The following PCDHA6 variants were observed in gnomAD, a reference collection of about 807,000 sequenced individuals.
PCDHA6 encodes the protein protocadherin alpha-6.
PCDHA6 carries 55 observed loss-of-function variants against 60.3 expected under a neutral mutation model. The ratio of observed to expected loss-of-function variants is 0.91; its 90% confidence interval spans 0.73 to 1.14. The LOEUF is 1.14. Ranked by LOEUF, PCDHA6 falls within the 50% of genes most tolerant of loss-of-function variation. PCDHA6 has a pLI of 0.00. For synonymous variants in PCDHA6, 652 were observed against 557.9 expected (o/e 1.17, Z -2.38); for missense variants, 1,327 against 1,256.5 (o/e 1.06, Z -0.85).
intron 1 of PCDHA6, chr5:140,865,236 G>A (rs192476838): frequency 8.5e-5 from 13 of 152,224 alleles, no homozygotes; most frequent in Admixed American, 3.3e-4. Flanking sequence ...CAGAGAACAC[G>A]TATTTATAGC....
chr5:140,964,631 T>C (rs1415762552), intron 1 of PCDHA6, among the ~76,000 whole-genome samples: 1 of 152,074 alleles, frequency 6.6e-6, no homozygotes, highest in African/African-American at 2.4e-5. Flanking sequence ...ATAAGCCATT[T>C]ATTTTCAGAA....
At chr5:140,922,927 T>C (rs1257564815) in intron 1 of PCDHA6, among the ~76,000 whole-genome samples, 1 of 152,214 alleles carries the variant, frequency 6.6e-6, no homozygotes, top group Non-Finnish European at 1.5e-5. Flanking sequence ...TTCAGACTTT[T>C]ACTTCCAGCA....
At chr5:140,956,930 A>G (rs2153711573) in intron 1 of PCDHA6, among the ~76,000 whole-genome samples, 1 of 151,954 alleles carries the variant, frequency 6.6e-6, no homozygotes, top group East Asian at 1.9e-4. Flanking sequence ...TGCTGGATAT[A>G]GGATAAAATT....
At chr5:140,875,450 C>T (rs199938092) in intron 1 of PCDHA6, 2 of 1,590,620 alleles carry the variant, frequency 1.3e-6, no homozygotes, top group African/African-American at 1.3e-5. Flanking sequence ...ATTGTCCCAA[C>T]TCAGAGGCCC....
chr5:140,874,557 G>T (rs782715249), intron 1 of PCDHA6, among the ~76,000 whole-genome samples: 3 of 152,146 alleles, frequency 2.0e-5, no homozygotes, highest in African/African-American at 7.2e-5. Flanking sequence ...GAGATCTTTC[G>T]CATTTTAGTG....
chr5:140,930,358 T>A (rs1253370170), intron 1 of PCDHA6: 1 of 152,216 alleles, frequency 6.6e-6, no homozygotes, highest in African/African-American at 2.4e-5. Context: ...AATATTTCAA[T>A]TTATCTGTTA....
chr5:140,877,488 C>A lies in PCDHA6; in HGVS notation c.2394+47003C>A, dbSNP rs781785108. On this transcript the variant is annotated intron_variant, in intron 1 of 3. Coordinates refer to ENST00000529310, the MANE Select transcript of PCDHA6 (RefSeq NM_018909.4). ...CGGTGCTGGTGTCGCTGGTGGAGAACGGCCAGGCCCCAAAGACGTCGTCGC... is the reference window on the plus strand; with the variant it reads ...CGGTGCTGGTGTCGCTGGTGGAGAAAGGCCAGGCCCCAAAGACGTCGTCGC... The A allele has an allele frequency of 2.5e-6, 4 of 1,613,736 alleles. No individual in the cohort carries two copies. The African/African-American group carries it at 5.3e-5, about 22-fold the overall frequency.
chr5:140,836,986 C>A, intron 1 of PCDHA6: 1 of 355,800 alleles, frequency 2.8e-6, no homozygotes, highest in East Asian at 4.9e-5. Context: ...TGGAGGAGGA[C>A]TTTGCTAACT....
chr5:140,993,071 G>A (rs1301535845), intron 3 of PCDHA6, among the ~76,000 whole-genome samples: 9 of 152,222 alleles, frequency 5.9e-5, no homozygotes, highest in African/African-American at 2.2e-4. Flanking sequence ...TGTTCCTGCA[G>A]TCTGCAATCA....
At chr5:140,855,892 G>C in intron 1 of PCDHA6, 2 of 1,011,396 alleles carry the variant, frequency 2.0e-6, no homozygotes, top group Non-Finnish European at 2.9e-6. Context: ...TAGAACAAAG[G>C]CATCAGCCAG....
chr5:140,833,120 T>G (rs1772308754), intron 1 of PCDHA6, among the ~76,000 whole-genome samples: 3 of 152,202 alleles, frequency 2.0e-5, no homozygotes, highest in Non-Finnish European at 4.4e-5. Context: ...TCAAAGTCAT[T>G]TGAAAGCTGT....
chr5:140,963,811 G>A (rs2153736544), intron 1 of PCDHA6, among the ~76,000 whole-genome samples: 1 of 152,288 alleles, frequency 6.6e-6, no homozygotes, highest in Middle Eastern at 3.4e-3. Context: ...TAGTCACTGT[G>A]CAAATTGCTT....
At chr5:140,904,303 G>A (rs1176685220) in intron 1 of PCDHA6, among the ~76,000 whole-genome samples, 3 of 151,902 alleles carry the variant, frequency 2.0e-5, no homozygotes, top group African/African-American at 7.3e-5. Flanking sequence ...CCATTCCTGA[G>A]TTTCTTCACT....
At chr5:140,962,494 A>T (rs1016662619) in intron 1 of PCDHA6, among the ~76,000 whole-genome samples, 4 of 152,130 alleles carry the variant, frequency 2.6e-5, no homozygotes, top group Admixed American at 2.6e-4. Context: ...CAATTTTCAG[A>T]CACCTCAGCC....
At position 140,834,227 on chromosome 5, in the gene PCDHA6, A is replaced by T. The variant is rs1772849510; in HGVS notation, c.2394+3742A>T. The T allele has an allele frequency of 4.2e-6, 3 of 708,588 alleles. No individual in the cohort carries two copies. In the Admixed American group the frequency reaches 8.9e-5, roughly 21 times the overall value. 43.9% of individuals were successfully genotyped at this position (708,588 alleles called of 1,614,324 possible). ...AATTCTTTCGTAATCAGCAAAAGGAAGTCATTCCTTTTCGCACTGGAAAGA... is the reference window on the plus strand; with the variant it reads ...AATTCTTTCGTAATCAGCAAAAGGATGTCATTCCTTTTCGCACTGGAAAGA... On this transcript the variant is annotated intron_variant, in intron 1 of 3. Transcript: ENST00000529310.
chr5:140,865,358 A>G (rs935527495), intron 1 of PCDHA6: 2 of 152,230 alleles, frequency 1.3e-5, no homozygotes, highest in Non-Finnish European at 2.9e-5. Flanking sequence ...TACATATTGC[A>G]GGATAACCAT....
At chr5:140,966,737 G>A (rs1466161811) in intron 1 of PCDHA6, 4 of 1,420,882 alleles carry the variant, frequency 2.8e-6, no homozygotes, top group Non-Finnish European at 3.7e-6. Flanking sequence ...CTCCGGCCCT[G>A]CCCGGCTGCC....
intron 1 of PCDHA6, chr5:140,875,436 A>G (rs782083459): frequency 6.4e-7 from 1 of 1,564,660 alleles, no homozygotes; most frequent in Non-Finnish European, 8.6e-7. Flanking sequence ...ATCCCTTAAA[A>G]CTGATTGTCC....
chr5:140,842,784 C>A (rs1285950480), intron 1 of PCDHA6: 4 of 1,594,370 alleles, frequency 2.5e-6, no homozygotes, highest in Non-Finnish European at 3.4e-6. Context: ...CAGGAGAACG[C>A]GCTGGTGTCC....
Sources: allele counts gnomAD v4.1 joint callset (sites outside exome capture counted in the v4.1 genomes callset), GRCh38; gene constraint gnomAD v4.1.1; transcripts MANE v1.5; gene names NCBI Gene and HGNC (gene_info 2026-07-23, HGNC 2026-07-21).